LRMDA: variants seen among roughly 807,000 people sequenced by gnomAD.
LRMDA encodes the protein leucine-rich melanocyte differentiation-associated protein.
In LRMDA, 18 loss-of-function variants were observed where a neutral mutation model predicts 29.8. The ratio of observed to expected loss-of-function variants is 0.60; its 90% confidence interval spans 0.42 to 0.90. The LOEUF (loss-of-function observed/expected upper bound fraction) is 0.90. Ranked by LOEUF, LRMDA falls within the 40% of genes least tolerant of loss-of-function variation. LRMDA has a pLI of 0.00. For missense variants in LRMDA, 273 were observed against 273.9 expected, an observed-to-expected ratio of 1.00 and a Z score of 0.02; for synonymous variants, 125 against 109.4, an observed-to-expected ratio of 1.14 and a Z score of -0.89.
chr10:76,347,947 C>T (rs1841128822), intron 6 of LRMDA, among the ~76,000 whole-genome samples: 1 of 152,092 alleles, frequency 6.6e-6, no homozygotes, highest in Non-Finnish European at 1.5e-5. Flanking sequence ...AACAGGCATT[C>T]TAATAATATA....
At chr10:75,563,519 T>C (rs989835138) in intron 2 of LRMDA, among the ~76,000 whole-genome samples, 12 of 152,206 alleles carry the variant, frequency 7.9e-5, no homozygotes, top group Non-Finnish European at 1.6e-4. Context: ...TGAAGCCTTC[T>C]TCTCTCAACT....
chr10:75,938,838 T>A (rs1846340483), intron 2 of LRMDA, among the ~76,000 whole-genome samples: 1 of 152,184 alleles, frequency 6.6e-6, no homozygotes, highest in East Asian at 1.9e-4. Context: ...GTTCTACTGA[T>A]GAGTTGTGTG....
intron 2 of LRMDA, among the ~76,000 whole-genome samples, chr10:75,695,488 G>A (rs2132165081): frequency 6.6e-6 from 1 of 151,748 alleles, no homozygotes; most frequent in East Asian, 1.9e-4. Context: ...CTTTAAGCTT[G>A]TATCCCTTTG....
intron 2 of LRMDA, among the ~76,000 whole-genome samples, chr10:75,900,179 TC>T (rs35959466): frequency 6.6e-6 from 1 of 152,216 alleles, no homozygotes; most frequent in Non-Finnish European, 1.5e-5. Flanking sequence ...TGTAATCCCT[TC>T]CCGTATTTTG....
At chr10:76,476,206 G>C (rs902642925) in intron 6 of LRMDA, among the ~76,000 whole-genome samples, 21 of 152,052 alleles carry the variant, frequency 1.4e-4, no homozygotes, top group Non-Finnish European at 2.2e-4. Flanking sequence ...AATAAAAAAT[G>C]ACAAAGGGGA....
At chr10:75,759,751 A>G (rs556714030) in intron 2 of LRMDA, among the ~76,000 whole-genome samples, 13 of 152,346 alleles carry the variant, frequency 8.5e-5, no homozygotes, top group African/African-American at 3.1e-4. Context: ...TCATAAACAT[A>G]TTCAGTAGTT....
At chr10:75,550,821 T>A (rs911722109) in intron 2 of LRMDA, among the ~76,000 whole-genome samples, 1 of 152,118 alleles carries the variant, frequency 6.6e-6, no homozygotes, top group African/African-American at 2.4e-5. Flanking sequence ...TTACTCCTTT[T>A]AAAAATGTTC....
chr10:76,417,507 C>G (rs955654746), intron 6 of LRMDA, among the ~76,000 whole-genome samples: 1 of 151,988 alleles, frequency 6.6e-6, no homozygotes, highest in Middle Eastern at 3.4e-3. Context: ...CCCCTGCCCC[C>G]CACAAACTCT....
chr10:75,661,158 C>T (rs138783643), intron 2 of LRMDA, among the ~76,000 whole-genome samples: 1 of 152,254 alleles, frequency 6.6e-6, no homozygotes, highest in Non-Finnish European at 1.5e-5. Context: ...GAGGCCCTTC[C>T]TGCCACCGCC....
At chr10:76,188,182 G>A (rs1851181986) in intron 5 of LRMDA, among the ~76,000 whole-genome samples, 1 of 152,174 alleles carries the variant, frequency 6.6e-6, no homozygotes, top group South Asian at 2.1e-4. Context: ...CTGCAGAGGG[G>A]CTGATGCATC....
intron 5 of LRMDA, among the ~76,000 whole-genome samples, chr10:76,281,711 A>G (rs547056091): frequency 3.8e-4 from 58 of 152,310 alleles, no homozygotes; most frequent in South Asian, 2.9e-3. Flanking sequence ...AGCTGTGTCA[A>G]TCTGCCTTAC....
intron 6 of LRMDA, among the ~76,000 whole-genome samples, chr10:76,365,085 C>CATATATATATAT (rs554375602): frequency 2.9e-5 from 2 of 69,742 alleles, no homozygotes; most frequent in Non-Finnish European, 6.9e-5. Flanking sequence ...CACACACACA[C>CATATATATATAT]ATATATATAT....
At chr10:75,459,066 G>A (rs1444567657) in intron 2 of LRMDA, among the ~76,000 whole-genome samples, 1 of 151,754 alleles carries the variant, frequency 6.6e-6, no homozygotes, top group Non-Finnish European at 1.5e-5. Flanking sequence ...AAAATCACAG[G>A]CAGTACGCAG....
intron 2 of LRMDA, among the ~76,000 whole-genome samples, chr10:75,897,369 C>G (rs942266335): frequency 1.3e-5 from 2 of 152,176 alleles, no homozygotes; most frequent in Admixed American, 6.5e-5. Context: ...AGTCTAAGGT[C>G]AGCAACCTTG....
intron 2 of LRMDA, among the ~76,000 whole-genome samples, chr10:75,682,209 A>C (rs867075467): frequency 6.6e-6 from 1 of 152,220 alleles, no homozygotes; most frequent in African/African-American, 2.4e-5. Context: ...TCTAACTGTG[A>C]ACGCTTTGAG....
intron 2 of LRMDA, among the ~76,000 whole-genome samples, chr10:75,501,405 G>A (rs542003671): frequency 6.6e-6 from 1 of 152,250 alleles, no homozygotes; most frequent in South Asian, 2.1e-4. Flanking sequence ...TCTTCTTACT[G>A]TTAACTGACC....
intron 2 of LRMDA, among the ~76,000 whole-genome samples, chr10:75,530,078 AG>A (rs1845459475): frequency 6.6e-6 from 1 of 152,092 alleles, no homozygotes; most frequent in South Asian, 2.1e-4. Flanking sequence ...CATATATTTT[AG>A]GTAGTTACAT....
chr10:76,270,095 A>G (rs574459624), intron 5 of LRMDA: 6 of 152,374 alleles, frequency 3.9e-5, no homozygotes, highest in Admixed American at 2.0e-4. Context: ...CTGGGTATCA[A>G]TACAGCAGTG....
chr10:76,167,946 G>A (rs765238268), intron 5 of LRMDA, among the ~76,000 whole-genome samples: 1 of 151,964 alleles, frequency 6.6e-6, no homozygotes, highest in African/African-American at 2.4e-5. Flanking sequence ...GTGTTTTGTA[G>A]TTATCCTTTT....
Sources: allele counts gnomAD v4.1 joint callset (sites outside exome capture counted in the v4.1 genomes callset), GRCh38; gene constraint gnomAD v4.1.1; transcripts MANE v1.5; gene names NCBI Gene and HGNC (gene_info 2026-07-23, HGNC 2026-07-21).